KIF26B: variants seen among roughly 807,000 people sequenced by gnomAD.
KIF26B encodes the protein kinesin-like protein KIF26B.
In KIF26B, 63 loss-of-function variants were observed where a neutral mutation model predicts 151.2. The ratio of observed to expected loss-of-function variants is 0.42; its 90% CI spans 0.34 to 0.51. The LOEUF is 0.51. Among genes scored for constraint, KIF26B ranks in the 20% least tolerant of loss-of-function variants. KIF26B has a pLI of 0.07. For synonymous variants in KIF26B, 1,357 were observed against 1,262.1 expected, an observed-to-expected ratio of 1.08 and a Z score of -1.59; for missense variants, 2,813 against 2,913.6, an observed-to-expected ratio of 0.97 and a Z score of 0.79.
intron 5 of KIF26B, among the ~76,000 whole-genome samples, chr1:245,544,552 A>G (rs1401598052): frequency 1.3e-5 from 2 of 152,164 alleles, no homozygotes; most frequent in African/African-American, 2.4e-5. Context: ...AGACAAGAAA[A>G]CTGAGGCCCA....
chr1:245,267,020 C>A (rs557798356), intron 2 of KIF26B, among the ~76,000 whole-genome samples: 46 of 152,330 alleles, frequency 3.0e-4, no homozygotes, highest in East Asian at 1.9e-3. Context: ...ACTTCTTCTC[C>A]ACAGTGCATA....
At chr1:245,660,468 G>A (rs973525404) in intron 10 of KIF26B, among the ~76,000 whole-genome samples, 27 of 151,348 alleles carry the variant, frequency 1.8e-4, no homozygotes, top group African/African-American at 6.3e-4. Flanking sequence ...ATCCTGAGTA[G>A]CTGGGACTAC....
intron 10 of KIF26B, among the ~76,000 whole-genome samples, chr1:245,660,749 T>C (rs2044127744): frequency 6.6e-6 from 1 of 152,222 alleles, no homozygotes; most frequent in Non-Finnish European, 1.5e-5. Context: ...GCTTTGTCTG[T>C]ATCCTCAAGT....
chr1:245,204,732 C>A (rs1357694145), intron 2 of KIF26B, among the ~76,000 whole-genome samples: 1 of 152,010 alleles, frequency 6.6e-6, no homozygotes, highest in African/African-American at 2.4e-5. Context: ...AGCAAATAAT[C>A]CCCTTAAAAA....
intron 2 of KIF26B, among the ~76,000 whole-genome samples, chr1:245,285,846 A>G (rs552274489): frequency 3.3e-5 from 5 of 152,012 alleles, no homozygotes; most frequent in African/African-American, 9.6e-5. Context: ...ATGAAAAATA[A>G]AAATTAGCCA....
chr1:245,402,877 C>T (rs1219043511), intron 3 of KIF26B, among the ~76,000 whole-genome samples: 2 of 152,210 alleles, frequency 1.3e-5, no homozygotes, highest in African/African-American at 2.4e-5. Context: ...TCAAAAAACT[C>T]ATGGCTGCGA....
At chr1:245,669,972 T>G (rs1558261091) in intron 10 of KIF26B, among the ~76,000 whole-genome samples, 1 of 152,010 alleles carries the variant, frequency 6.6e-6, no homozygotes, top group Non-Finnish European at 1.5e-5. Context: ...GAATGGACAT[T>G]GGAGACTCCG....
At chr1:245,485,519 G>A (rs1660262629) in intron 4 of KIF26B, among the ~76,000 whole-genome samples, 1 of 152,014 alleles carries the variant, frequency 6.6e-6, no homozygotes, top group Non-Finnish European at 1.5e-5. Flanking sequence ...AAGTACCTGG[G>A]ATTACAGGCG....
At chr1:245,607,867 C>A in intron 7 of KIF26B, 123 bp downstream of exon 7, 2 of 715,318 alleles carry the variant, frequency 2.8e-6, no homozygotes, top group Non-Finnish European at 2.3e-6. Flanking sequence ...AGGTGTTGAG[C>A]TGAATAACCA....
chr1:245,599,139 G>A (rs909669541), intron 5 of KIF26B, among the ~76,000 whole-genome samples: 1 of 152,172 alleles, frequency 6.6e-6, no homozygotes, highest in African/African-American at 2.4e-5. Context: ...ACAAGTCCGA[G>A]GGACTTTCTT....
At chr1:245,522,028 C>CAT (rs1661130738) in intron 4 of KIF26B, among the ~76,000 whole-genome samples, 2 of 151,858 alleles carry the variant, frequency 1.3e-5, no homozygotes, top group Non-Finnish European at 2.9e-5. Context: ...CGCCACCATG[C>CAT]CCGGCTAATT....
rs1298219111 is a variant in KIF26B, at chr1:245,156,516, T to G, written c.298T>G (p.Leu100Val). 1 of 1,531,990 alleles carries G rather than the reference T, an allele frequency of 6.5e-7. No homozygotes were observed. The highest frequency in any genetic ancestry group is 1.4e-5 in the African/African-American group (1 of 71,644). The allele number at this position is 1,531,990 out of a possible 1,614,324, so 94.9% of individuals were successfully genotyped here. Residue 100 changes from leucine to valine, a missense_variant, in exon 2 of 15, where the codon TTG (leucine) becomes GTG (valine). Transcript: ENST00000407071. ...CATCGGCACTAGTTCGCCGGGCTCCTTGGGCGGCTCTCCGGGCTTCGGCAC... is the reference window on the plus strand; with the variant it reads ...CATCGGCACTAGTTCGCCGGGCTCCGTGGGCGGCTCTCCGGGCTTCGGCAC... ...PGIGTSSPGSLGGSPGFGTGS... is the reference protein window; with the variant it reads ...PGIGTSSPGSVGGSPGFGTGS...
chr1:245,546,300 TCCACCTC>T (rs1458998499), intron 5 of KIF26B, among the ~76,000 whole-genome samples: 2 of 151,794 alleles, frequency 1.3e-5, no homozygotes, highest in African/African-American at 4.8e-5. Flanking sequence ...CACTGCAACC[TCCACCTC>T]CTGGGCTCAA....
chr1:245,346,157 C>A (rs1310000593), intron 2 of KIF26B, among the ~76,000 whole-genome samples: 1 of 152,006 alleles, frequency 6.6e-6, no homozygotes, highest in Non-Finnish European at 1.5e-5. Context: ...CTTGGCCAGG[C>A]TGGTCTTGAA....
intron 4 of KIF26B, among the ~76,000 whole-genome samples, chr1:245,538,051 G>A (rs1177161950): frequency 1.3e-5 from 2 of 152,280 alleles, no homozygotes; most frequent in East Asian, 3.9e-4. Context: ...GGAAAGGAAT[G>A]GCCAGGGTGT....
At chr1:245,382,655 G>A (rs927084544) in intron 3 of KIF26B, among the ~76,000 whole-genome samples, 10 of 151,944 alleles carry the variant, frequency 6.6e-5, no homozygotes, top group South Asian at 6.2e-4. Flanking sequence ...CACAATCTCC[G>A]CCTCCTGGGT....
chr1:245,530,779 G>A (rs1263170513), intron 4 of KIF26B, among the ~76,000 whole-genome samples: 1 of 151,566 alleles, frequency 6.6e-6, no homozygotes, highest in Admixed American at 6.6e-5. Context: ...TGGTGTAGAT[G>A]CTTCTCATCT....
Position 245,698,037 on chromosome 1 carries a change from G to C in KIF26B, c.5825-69G>C. The stretch of plus-strand genomic sequence containing the variant: ...AGCCTGGGCAACAGAGCAAGACCCT[G>C]TCTCAAAAAAACAACAAAAAAATTG... On this transcript the variant is annotated intron_variant, in intron 12 of 14. Coordinates refer to ENST00000407071, the MANE Select transcript of KIF26B (RefSeq NM_018012.4). This position sits in a 1 kb window ranked among gnomAD's most constrained non-coding sequence, Gnocchi z 4.0. The C allele has an allele frequency of 7.0e-7, 1 of 1,437,486 alleles. No individual in the cohort carries two copies. The highest frequency in any genetic ancestry group is 9.5e-7 in the Non-Finnish European group (1 of 1,056,806). The allele number at this position is 1,437,486 out of a possible 1,614,324, so 89.0% of individuals were successfully genotyped here.
chr1:245,321,071 GA>G (rs1237427370), intron 2 of KIF26B, among the ~76,000 whole-genome samples: 10 of 152,020 alleles, frequency 6.6e-5, no homozygotes, highest in Middle Eastern at 3.4e-3. Context: ...TGGTTAGAAA[GA>G]AAAAAAATCA....
Sources: allele counts gnomAD v4.1 joint callset (sites outside exome capture counted in the v4.1 genomes callset), GRCh38; gene constraint gnomAD v4.1.1; non-coding constraint Gnocchi (gnomAD v3.1); transcripts MANE v1.5; gene names NCBI Gene and HGNC (gene_info 2026-07-23, HGNC 2026-07-21).